The following CREB5 variants were observed in gnomAD, a reference collection of about 807,000 sequenced individuals.
CREB5 encodes the protein cAMP responsive element binding protein 5.
CREB5 carries 19 observed loss-of-function variants against 57.1 expected under a neutral mutation model. The observed-to-expected ratio is 0.33, with a 90% CI of 0.23 to 0.49. The LOEUF is 0.49. Ranked by LOEUF, CREB5 falls within the 20% of genes least tolerant of loss-of-function variation. The probability of loss-of-function intolerance (pLI) is 0.99; values close to 1 mark genes in which losing one functional copy is unlikely to be tolerated. For synonymous variants in CREB5, 238 were observed against 238.3 expected (o/e 1.00, Z 0.01); for missense variants, 579 against 671.6 (o/e 0.86, Z 1.52).
At chr7:28,509,070 AT>A (rs556751865) in intron 4 of CREB5, among the ~76,000 whole-genome samples, 32 of 150,864 alleles carry the variant, frequency 2.1e-4, no homozygotes, top group South Asian at 6.3e-4. Context: ...TGAGTAATAA[AT>A]TTTTTTTTTG....
At chr7:28,790,424 AAGAAAG>A (rs1807593979) in intron 7 of CREB5, among the ~76,000 whole-genome samples, 1 of 114,568 alleles carries the variant, frequency 8.7e-6, no homozygotes, top group African/African-American at 3.7e-5. Context: ...AGAAGAAAGA[AAGAAAG>A]AGAGAGAGAG....
At chr7:28,511,434 C>T (rs980811333) in intron 4 of CREB5, among the ~76,000 whole-genome samples, 1 of 152,142 alleles carries the variant, frequency 6.6e-6, no homozygotes, top group Non-Finnish European at 1.5e-5. Flanking sequence ...CCTGGGAGGC[C>T]TTGTAAAGGG....
intron 1 of CREB5, among the ~76,000 whole-genome samples, chr7:28,360,949 A>C (rs7778379): frequency 0.45 from 68,008 of 151,720 alleles, 15,355 homozygotes; most frequent in East Asian, 0.54. Flanking sequence ...TTTTAGTTGT[A>C]ACCACTGAGG....
intron 1 of CREB5, among the ~76,000 whole-genome samples, chr7:28,323,944 T>A (rs973391241): frequency 2.0e-5 from 3 of 152,004 alleles, no homozygotes; most frequent in Non-Finnish European, 4.4e-5. Context: ...GCAACCTAGA[T>A]CCCTCACATA....
At chr7:28,590,623 CAT>C (rs1796468933) in intron 5 of CREB5, among the ~76,000 whole-genome samples, 3 of 151,136 alleles carry the variant, frequency 2.0e-5, no homozygotes, top group Admixed American at 2.0e-4. Flanking sequence ...CACATGTATA[CAT>C]GTGTAACAAA....
At chr7:28,708,295 GTAGTCAC>G (rs2128741899) in intron 5 of CREB5, among the ~76,000 whole-genome samples, 1 of 152,184 alleles carries the variant, frequency 6.6e-6, no homozygotes, top group East Asian at 1.9e-4. Context: ...GTCCATGCAT[GTAGTCAC>G]AGCTGCTGAA....
At chr7:28,362,701 T>G (rs189713606) in intron 1 of CREB5, among the ~76,000 whole-genome samples, 8 of 152,362 alleles carry the variant, frequency 5.3e-5, no homozygotes, top group African/African-American at 1.9e-4. Context: ...AAATTATGTG[T>G]TTATACATGC....
chr7:28,658,957 A>ATATATATATATATATATGTGTGTGTG, intron 5 of CREB5, among the ~76,000 whole-genome samples: 1 of 111,790 alleles, frequency 8.9e-6, no homozygotes, highest in East Asian at 2.3e-4. Flanking sequence ...GTGTGTGTAT[A>ATATATATATATATATATGTGTGTGTG]TATATATATA....
At chr7:28,759,253 C>T (rs372290012) in intron 7 of CREB5, among the ~76,000 whole-genome samples, 1 of 152,012 alleles carries the variant, frequency 6.6e-6, no homozygotes, top group Non-Finnish European at 1.5e-5. Flanking sequence ...TGAGTTTGAG[C>T]TAAGATATGT....
intron 2 of CREB5, among the ~76,000 whole-genome samples, chr7:28,491,747 GT>G (rs1045369773): frequency 2.0e-5 from 3 of 152,260 alleles, no homozygotes; most frequent in African/African-American, 7.2e-5. Context: ...GGTCTCCTGG[GT>G]TATTAGAAAC....
Position 28,823,413 on chromosome 7 carries a change from T to A in CREB5, c.*4134T>A, listed in dbSNP as rs1411604394. ...CTGTAGGATCTACTTGTTTTTAAAGTGTTAGTCCATAATAAACTACTATAG... is the reference window on the plus strand; with the variant it reads ...CTGTAGGATCTACTTGTTTTTAAAGAGTTAGTCCATAATAAACTACTATAG... On this transcript the variant is annotated 3_prime_UTR_variant, in exon 11 of 11. Transcript: ENST00000357727. The A allele has an allele frequency of 6.6e-6, 1 of 152,622 alleles. No individual in the cohort carries two copies. The highest frequency in any genetic ancestry group is 1.5e-5 in the Non-Finnish European group (1 of 68,046). 9.5% of individuals were successfully genotyped at this position (152,622 alleles called of 1,614,324 possible).
intron 5 of CREB5, among the ~76,000 whole-genome samples, chr7:28,693,777 A>C (rs907623206): frequency 2.0e-5 from 3 of 152,272 alleles, no homozygotes; most frequent in Non-Finnish European, 4.4e-5. Context: ...TTAGCATAGT[A>C]AGTGCTCAGC....
At chr7:28,330,893 A>T (rs1036307556) in intron 1 of CREB5, among the ~76,000 whole-genome samples, 1 of 152,210 alleles carries the variant, frequency 6.6e-6, no homozygotes, top group African/African-American at 2.4e-5. Flanking sequence ...GTGAAGCTTA[A>T]CAAATATTTC....
intron 1 of CREB5, among the ~76,000 whole-genome samples, chr7:28,347,099 C>T (rs1786076138): frequency 6.6e-6 from 1 of 152,180 alleles, no homozygotes. Context: ...AAATCTTGTA[C>T]ACTGTGGCCC....
In CREB5 at chr7:28,300,592, A is replaced by T. The variant is rs149288810; in HGVS notation, c.-25+1151A>T. Reference sequence around the variant, plus strand: ...AGCAGTAAAAAAAATACACATTTAAACAAAAATCCCAGTGAACATTTCCTG... The same window carrying T: ...AGCAGTAAAAAAAATACACATTTAATCAAAAATCCCAGTGAACATTTCCTG... On this transcript the variant is annotated intron_variant, in intron 1 of 9. Transcript: ENST00000396299. 2.2e-4 allele frequency among the ~76,000 whole-genome samples: 34 copies of T among 152,338 alleles called. 1 individual carries two copies. In the East Asian group the frequency reaches 6.0e-3, roughly 27 times the overall value.
At chr7:28,485,492 G>A (rs1451578239) in intron 1 of CREB5, among the ~76,000 whole-genome samples, 4 of 151,560 alleles carry the variant, frequency 2.6e-5, no homozygotes, top group Non-Finnish European at 5.9e-5. Flanking sequence ...GTGAAGTTTC[G>A]GTAACACTTT....
At chr7:28,332,735 C>T (rs1329214364) in intron 1 of CREB5, among the ~76,000 whole-genome samples, 4 of 152,176 alleles carry the variant, frequency 2.6e-5, no homozygotes, top group African/African-American at 9.7e-5. Context: ...TTTCTGTAGT[C>T]TGCTTTTTTC....
At chr7:28,795,876 C>T (rs1257402187) in intron 7 of CREB5, among the ~76,000 whole-genome samples, 1 of 151,804 alleles carries the variant, frequency 6.6e-6, no homozygotes, top group Non-Finnish European at 1.5e-5. Context: ...GCCTCAGCCT[C>T]CCAAGTAGCT....
intron 4 of CREB5, among the ~76,000 whole-genome samples, chr7:28,510,048 A>G (rs1192446491): frequency 6.6e-6 from 1 of 152,226 alleles, no homozygotes; most frequent in Non-Finnish European, 1.5e-5. Flanking sequence ...TCTGGCAGCA[A>G]AGACGGCTGT....
Sources: allele counts gnomAD v4.1 joint callset (sites outside exome capture counted in the v4.1 genomes callset), GRCh38; gene constraint gnomAD v4.1.1; transcripts MANE v1.5; gene names NCBI Gene and HGNC (gene_info 2026-07-23, HGNC 2026-07-21).